Variants in GALNTL6 observed in about 807,000 individuals in gnomAD.
The protein encoded by GALNTL6 is polypeptide N-acetylgalactosaminyltransferase like 6.
GALNTL6 carries 46 observed loss-of-function variants against 73.7 expected under a neutral mutation model. The observed-to-expected ratio is 0.62, with a 90% confidence interval of 0.49 to 0.80. The LOEUF (loss-of-function observed/expected upper bound fraction) is 0.80, where lower values mean the gene tolerates loss of function less well. Ranked by LOEUF, GALNTL6 falls within the 30% of genes least tolerant of loss-of-function variation. GALNTL6 has a pLI of 0.00. For missense variants in GALNTL6, 604 were observed against 755.0 expected (o/e 0.80, Z 2.34); for synonymous variants, 259 against 263.7 (o/e 0.98, Z 0.17).
chr4:172,770,613 C>A (rs1291082703), intron 5 of GALNTL6, among the ~76,000 whole-genome samples: 1 of 152,130 alleles, frequency 6.6e-6, no homozygotes, highest in Non-Finnish European at 1.5e-5. Flanking sequence ...TTTCCAATTG[C>A]AAATGCATTT....
At chr4:172,529,006 T>TATAA (rs200133148) in intron 5 of GALNTL6, among the ~76,000 whole-genome samples, 1 of 31,676 alleles carries the variant, frequency 3.2e-5, no homozygotes, top group Non-Finnish European at 5.5e-5. Flanking sequence ...TATATATATA[T>TATAA]ACACACACAC....
At chr4:172,976,660 T>TA (rs1750825329) in intron 10 of GALNTL6, among the ~76,000 whole-genome samples, 1 of 152,268 alleles carries the variant, frequency 6.6e-6, no homozygotes, top group African/African-American at 2.4e-5. Context: ...GAAAATGTTG[T>TA]ACTTCAATCT....
chr4:172,062,215 A>C (rs1560906220), intron 2 of GALNTL6, among the ~76,000 whole-genome samples: 1 of 151,950 alleles, frequency 6.6e-6, no homozygotes, highest in African/African-American at 2.4e-5. Context: ...TGGCCTCCCA[A>C]AGTGCTGGGA....
chr4:172,589,014 G>A (rs561054681), intron 5 of GALNTL6, among the ~76,000 whole-genome samples: 1 of 152,114 alleles, frequency 6.6e-6, no homozygotes, highest in Non-Finnish European at 1.5e-5. Context: ...TACATTAGTC[G>A]ATTAAATATT....
At chr4:173,030,794 G>A (rs1753424493) in intron 12 of GALNTL6, among the ~76,000 whole-genome samples, 2 of 148,356 alleles carry the variant, frequency 1.3e-5, no homozygotes, top group Admixed American at 1.4e-4. Flanking sequence ...GAGCCCAGGA[G>A]CTCAAGATCA....
In GALNTL6 at chr4:172,248,019, G is replaced by T. The variant is rs532695335; in HGVS notation, c.247+18255G>T. On this transcript the variant is annotated intron_variant, in intron 3 of 12. Coordinates refer to ENST00000506823, the MANE Select transcript of GALNTL6 (RefSeq NM_001034845.3). Reference sequence around the variant, plus strand: ...GAAATTTGTAGTCTTTTTTTACAAAGAACAAAATATATTTGACAAAGAAAA... The same window carrying T: ...GAAATTTGTAGTCTTTTTTTACAAATAACAAAATATATTTGACAAAGAAAA... 2.6e-5 allele frequency among the ~76,000 whole-genome samples: 4 copies of T among 151,582 alleles called. No individual in the cohort carries two copies. In the East Asian group the frequency reaches 7.9e-4, roughly 30 times the overall value.
chr4:172,020,937 T>C (rs1048148745), intron 2 of GALNTL6, among the ~76,000 whole-genome samples: 1 of 151,910 alleles, frequency 6.6e-6, no homozygotes, highest in African/African-American at 2.4e-5. Context: ...AACAACACAT[T>C]GAAAAAGATC....
At chr4:172,229,891 T>C (rs1380972481) in intron 3 of GALNTL6, 127 bp downstream of exon 3, 1 of 622,416 alleles carries the variant, frequency 1.6e-6, no homozygotes, top group African/African-American at 1.8e-5. Context: ...ATATTGGAGG[T>C]GATACTGGAC....
chr4:172,529,010 C>CAG (rs201304681), intron 5 of GALNTL6, among the ~76,000 whole-genome samples: 84,277 of 106,198 alleles, frequency 0.79, 33,195 homozygotes, highest in East Asian at 0.99. Context: ...TATATATACA[C>CAG]ACACACACAC....
chr4:172,458,978 A>C (rs550602148), intron 5 of GALNTL6, among the ~76,000 whole-genome samples: 1 of 152,318 alleles, frequency 6.6e-6, no homozygotes, highest in East Asian at 1.9e-4. Context: ...AATACTGGCA[A>C]ACTAAATTCA....
chr4:172,259,962 T>G (rs1362758312), intron 3 of GALNTL6, among the ~76,000 whole-genome samples: 1 of 151,722 alleles, frequency 6.6e-6, no homozygotes, highest in Non-Finnish European at 1.5e-5. Context: ...GTTCCATTAG[T>G]CCACTTGCCT....
intron 2 of GALNTL6, among the ~76,000 whole-genome samples, chr4:171,874,535 A>G (rs903172116): frequency 2.0e-5 from 3 of 152,124 alleles, no homozygotes; most frequent in African/African-American, 7.2e-5. Flanking sequence ...CATTCTAGGG[A>G]AAAATTTTCA....
intron 5 of GALNTL6, among the ~76,000 whole-genome samples, chr4:172,351,372 C>T (rs1486504642): frequency 6.6e-6 from 1 of 152,010 alleles, no homozygotes; most frequent in African/African-American, 2.4e-5. Context: ...CAATAAGCTA[C>T]TATAAGCATT....
intron 2 of GALNTL6, among the ~76,000 whole-genome samples, chr4:172,200,466 A>G (rs931773712): frequency 1.3e-5 from 2 of 152,208 alleles, no homozygotes; most frequent in Non-Finnish European, 2.9e-5. Context: ...AACGTCAGCA[A>G]TATGAAAAGC....
At chr4:172,723,283 G>A (rs752703262) in intron 5 of GALNTL6, among the ~76,000 whole-genome samples, 1 of 152,112 alleles carries the variant, frequency 6.6e-6, no homozygotes, top group South Asian at 2.1e-4. Context: ...CTTTTGGGGG[G>A]CCAATATTCT....
intron 2 of GALNTL6, among the ~76,000 whole-genome samples, chr4:172,103,932 T>G (rs1345568614): frequency 6.8e-6 from 1 of 148,030 alleles, no homozygotes; most frequent in Non-Finnish European, 1.5e-5. Flanking sequence ...GTTTTTGTTT[T>G]TTTCTTTTCT....
chr4:172,917,950 A>C (rs1747607299), intron 8 of GALNTL6, among the ~76,000 whole-genome samples: 1 of 152,212 alleles, frequency 6.6e-6, no homozygotes, highest in East Asian at 1.9e-4. Context: ...ACATGCACAC[A>C]TATGTTTATT....
chr4:172,870,486 A>G (rs977550338), intron 7 of GALNTL6, among the ~76,000 whole-genome samples: 1 of 152,152 alleles, frequency 6.6e-6, no homozygotes, highest in Admixed American at 6.5e-5. Flanking sequence ...TTTCTTCTGT[A>G]TTTTACAACA....
intron 2 of GALNTL6, among the ~76,000 whole-genome samples, chr4:171,910,452 G>C (rs2110961141): frequency 6.6e-6 from 1 of 151,482 alleles, no homozygotes; most frequent in Non-Finnish European, 1.5e-5. Context: ...TTTTGACGTG[G>C]GTTTTAAAAT....
Sources: gnomAD v4.1 joint callset for allele counts (sites outside exome capture counted in the v4.1 genomes callset) on GRCh38, gnomAD v4.1.1 for gene constraint, MANE v1.5 for transcripts, NCBI Gene and HGNC (gene_info 2026-07-23, HGNC 2026-07-21) for gene names.